GSAP: variants seen among roughly 807,000 people sequenced by gnomAD.
GSAP encodes the protein gamma-secretase-activating protein.
In GSAP, 118 loss-of-function variants were observed where a neutral mutation model predicts 131.7. That is an observed-to-expected ratio of 0.90 (90% CI 0.77 to 1.04). The LOEUF (loss-of-function observed/expected upper bound fraction) is 1.04, where lower values mean the gene tolerates loss of function less well. Among genes scored for constraint, GSAP ranks in the 50% least tolerant of loss-of-function variants. The pLI is 0.00. For missense variants in GSAP, 1,019 were observed against 1,013.2 expected (o/e 1.01, Z -0.08); for synonymous variants, 381 against 363.4 (o/e 1.05, Z -0.55).
At chr7:77,319,503 T>A (rs911784282) in intron 26 of GSAP, among the ~76,000 whole-genome samples, 3 of 151,744 alleles carry the variant, frequency 2.0e-5, no homozygotes, top group Admixed American at 6.6e-5. Context: ...TCAAAAAATT[T>A]AAAAAAAAGA....
At chr7:77,331,617 T>C (rs1562920347) in intron 19 of GSAP, among the ~76,000 whole-genome samples, 1 of 152,086 alleles carries the variant, frequency 6.6e-6, no homozygotes, top group African/African-American at 2.4e-5. Flanking sequence ...CAAAAGACAG[T>C]CATAATTGGT....
At chr7:77,352,400 G>A (rs60132311) in intron 18 of GSAP, among the ~76,000 whole-genome samples, 118 of 152,334 alleles carry the variant, frequency 7.7e-4, no homozygotes, top group African/African-American at 2.7e-3. Flanking sequence ...AAGAGAAAAT[G>A]AGCAGTGTTT....
rs142511194 is a variant in GSAP, at chr7:77,334,438, G to A, written c.1546-4071C>T. Among the ~76,000 whole-genome samples the A allele has an allele frequency of 4.2e-3, 645 of 152,070 alleles. 2 individuals are homozygous for A. The highest frequency in any genetic ancestry group is 8.0e-3 in the Non-Finnish European group (546 of 67,968). On this transcript the variant is annotated intron_variant, in intron 19 of 30. Coordinates refer to ENST00000257626, the MANE Select transcript of GSAP (RefSeq NM_017439.4). ...GGGCCTGTTGGGGGGTTGGGGGAAG[G>A]AGAGCATCAGAATAAATAGCTAATG...
At chr7:77,390,920 G>C (rs1341092615) in intron 5 of GSAP, among the ~76,000 whole-genome samples, 1 of 121,358 alleles carries the variant, frequency 8.2e-6, no homozygotes, top group Non-Finnish European at 1.6e-5. Flanking sequence ...CTGCACTCCA[G>C]CCTGGTGACA....
chr7:77,326,438 T>G (rs78013032), intron 22 of GSAP, 165 bp from the exon 23 acceptor site: 31,640 of 538,184 alleles, frequency 0.059, 1,237 homozygotes, highest in South Asian at 0.12. Context: ...CAAGGTGAAC[T>G]TATCAGAGCT....
intron 16 of GSAP, among the ~76,000 whole-genome samples, chr7:77,354,301 A>G (rs1201960270): frequency 2.6e-5 from 4 of 152,232 alleles, no homozygotes; most frequent in African/African-American, 9.6e-5. Flanking sequence ...AGGTAATACG[A>G]TATTACTATC....
At chr7:77,411,896 T>C (rs1803354535) in intron 1 of GSAP, among the ~76,000 whole-genome samples, 1 of 152,204 alleles carries the variant, frequency 6.6e-6, no homozygotes, top group Admixed American at 6.5e-5. Flanking sequence ...GATGTTGTCA[T>C]GGCCGGGCAT....
upstream of GSAP, chr7:77,416,386 G>T (rs1804480141): frequency 3.6e-6 from 3 of 842,180 alleles, no homozygotes; most frequent in South Asian, 4.2e-5. Flanking sequence ...GCCCCGCGTG[G>T]CCGCCTCGCC....
chr7:77,351,662 C>G lies in GSAP; in HGVS notation c.1491+1282G>C, dbSNP rs1285737269. 13 of 985,702 alleles carry G rather than the reference C, an allele frequency of 1.3e-5. No individual in the cohort carries two copies. The South Asian group carries it at 3.3e-4, about 25-fold the overall frequency. The allele number at this position is 985,702 out of a possible 1,614,324, so 61.1% of individuals were successfully genotyped here. ...CTTCCTGATGTCACCCTGTGCGTGT[C>G]CACAATAGCTGCTCCACCCTGCACA... On this transcript the variant is annotated intron_variant, in intron 18 of 30. Coordinates refer to ENST00000257626, the MANE Select transcript of GSAP (RefSeq NM_017439.4).
intron 26 of GSAP, among the ~76,000 whole-genome samples, chr7:77,317,223 A>T (rs1795061785): frequency 6.6e-6 from 1 of 152,148 alleles, no homozygotes; most frequent in Non-Finnish European, 1.5e-5. Flanking sequence ...TGTCCTTTGC[A>T]GGGACATGGA....
Position 77,353,653 on chromosome 7 carries a change from C to G in GSAP, c.1339-12G>C. On this transcript the variant is annotated splice_polypyrimidine_tract_variant and intron_variant, in intron 16 of 30. Transcript: ENST00000257626. Reference sequence around the variant, plus strand: ...ATCCACTGAATAATCTTTAAAAAGTCAGACAGAACTCTGTTGGTATTTAAA... The same window carrying G: ...ATCCACTGAATAATCTTTAAAAAGTGAGACAGAACTCTGTTGGTATTTAAA... The G allele has an allele frequency of 6.4e-7, 1 of 1,562,766 alleles. No homozygotes were observed. The highest frequency in any genetic ancestry group is 2.2e-5 in the East Asian group (1 of 44,554).
At chr7:77,408,840 C>CA (rs2151202642) in intron 1 of GSAP, among the ~76,000 whole-genome samples, 1 of 152,022 alleles carries the variant, frequency 6.6e-6, no homozygotes, top group South Asian at 2.1e-4. Context: ...TGTAACTCAG[C>CA]AAATTTCTGT....
At chr7:77,416,146 G>T in intron 1 of GSAP, 67 bp downstream of exon 1, 1 of 936,490 alleles carries the variant, frequency 1.1e-6, no homozygotes, top group Non-Finnish European at 1.5e-6. Flanking sequence ...CACCGGGTCG[G>T]AGTCCGGGGG....
At chr7:77,399,948 T>C (rs1233808461) in intron 3 of GSAP, among the ~76,000 whole-genome samples, 1 of 152,118 alleles carries the variant, frequency 6.6e-6, no homozygotes, top group African/African-American at 2.4e-5. Context: ...GCAGAAATAC[T>C]GATGGGAGCG....
intron 19 of GSAP, among the ~76,000 whole-genome samples, chr7:77,342,772 T>A (rs1791191635): frequency 6.6e-6 from 1 of 152,186 alleles, no homozygotes; most frequent in Non-Finnish European, 1.5e-5. Context: ...AAACTCTCCT[T>A]ACAATTCCCC....
At chr7:77,326,924 A>G (rs940335344) in intron 22 of GSAP, 1 of 152,192 alleles carries the variant, frequency 6.6e-6, no homozygotes, top group African/African-American at 2.4e-5. Flanking sequence ...TTTGTATTCC[A>G]TTCTTTTCTT....
At chr7:77,388,862 AAGAC>A (rs1798965987) in intron 5 of GSAP, among the ~76,000 whole-genome samples, 1 of 152,232 alleles carries the variant, frequency 6.6e-6, no homozygotes, top group Non-Finnish European at 1.5e-5. Context: ...TTACTTGAAA[AAGAC>A]AGTAAGTGAG....
rs767055433 is a variant in GSAP at position 77,312,140 on chromosome 7, CCGCG to C, written c.2330_2333del (p.Ser777Ter). 6.2e-7 allele frequency: 1 copy of C among 1,604,184 alleles called. No individual in the cohort carries two copies. Among genetic ancestry groups the C allele is most frequent in the East Asian group, 2.2e-5 (1 of 44,786 alleles). On this transcript the variant is annotated frameshift_variant, in exon 29 of 31. Coordinates refer to ENST00000257626, the MANE Select transcript of GSAP (RefSeq NM_017439.4). LOFTEE classifies it high-confidence loss of function. The stretch of plus-strand genomic sequence containing the variant: ...TCTGAAGCAGTCGCGTCACGTGGTT[CCGCG>C]AAATGATGTTAGAACTCATAGGATG...
intron 8 of GSAP, among the ~76,000 whole-genome samples, chr7:77,379,443 A>G (rs1212079946): frequency 6.6e-6 from 1 of 151,922 alleles, no homozygotes; most frequent in Non-Finnish European, 1.5e-5. Context: ...TTAAGAATGA[A>G]GGCAGAAGTA....
Sources: gnomAD v4.1 joint callset for allele counts (sites outside exome capture counted in the v4.1 genomes callset) on GRCh38, gnomAD v4.1.1 for gene constraint, MANE v1.5 for transcripts, NCBI Gene and HGNC (gene_info 2026-07-23, HGNC 2026-07-21) for gene names.